The following SAMD3 variants were observed in gnomAD, a reference collection of about 807,000 sequenced individuals.
The protein encoded by SAMD3 is sterile alpha motif domain-containing protein 3.
Under a neutral mutation model 58.5 loss-of-function variants are expected in SAMD3, and 63 were observed. The ratio of observed to expected loss-of-function variants is 1.08; its 90% CI spans 0.88 to 1.33. The LOEUF (loss-of-function observed/expected upper bound fraction) is 1.33. Ranked by LOEUF, SAMD3 falls within the 40% of genes most tolerant of loss-of-function variation. The probability of loss-of-function intolerance (pLI) is 0.00; values close to 1 mark genes in which losing one functional copy is unlikely to be tolerated. For synonymous variants in SAMD3, 220 were observed against 210.3 expected (o/e 1.05, Z -0.40); for missense variants, 604 against 608.4 (o/e 0.99, Z 0.08).
chr6:130,282,187 A>G (rs1266783343), intron 2 of SAMD3, among the ~76,000 whole-genome samples: 1 of 152,076 alleles, frequency 6.6e-6, no homozygotes, highest in Admixed American at 6.6e-5. Flanking sequence ...GGGTAGAGAG[A>G]GAAAGAGAGA....
intron 7 of SAMD3, among the ~76,000 whole-genome samples, chr6:130,180,341 C>T (rs559245863): frequency 4.2e-4 from 55 of 129,412 alleles, no homozygotes; most frequent in African/African-American, 1.6e-3. Flanking sequence ...TACCATGTTG[C>T]CCAGGCTGGT....
At chr6:130,147,038 AG>A (rs1562363255) in intron 9 of SAMD3, among the ~76,000 whole-genome samples, 2 of 152,108 alleles carry the variant, frequency 1.3e-5, no homozygotes, top group African/African-American at 4.8e-5. Flanking sequence ...AAGCAAAACC[AG>A]TTTACTTTAT....
intron 5 of SAMD3, among the ~76,000 whole-genome samples, chr6:130,190,173 C>G (rs564571885): frequency 6.6e-6 from 1 of 152,318 alleles, no homozygotes; most frequent in African/African-American, 2.4e-5. Flanking sequence ...TTAACTGACA[C>G]CAGGAGACTG....
At position 130,201,472 on chromosome 6, in the gene SAMD3, T is replaced by A. The variant is rs543147335; in HGVS notation, c.383+8023A>T. Among the ~76,000 whole-genome samples, 3 of 152,176 alleles carry A rather than the reference T, an allele frequency of 2.0e-5. No homozygotes were observed. In the East Asian group the frequency reaches 5.8e-4, roughly 29 times the overall value. ...CCCACCCTAACCTACTAAATCAGAG[T>A]CTGTGTTTTAACAAGATTCCTCAGT... On this transcript the variant is annotated intron_variant, in intron 5 of 11. Transcript: ENST00000439090.
At chr6:130,149,577 T>C (rs1788949816) in intron 9 of SAMD3, among the ~76,000 whole-genome samples, 1 of 152,206 alleles carries the variant, frequency 6.6e-6, no homozygotes. Context: ...TAGGTGTAGC[T>C]GGAGGCCATT....
rs181268057 is a variant in SAMD3 at position 130,166,813 on chromosome 6, G to A, written c.822+9028C>T. Among the ~76,000 whole-genome samples the A allele has an allele frequency of 5.3e-5, 8 of 152,334 alleles. No individual in the cohort carries two copies. In the East Asian group the frequency reaches 1.5e-3, roughly 29 times the overall value. On this transcript the variant is annotated intron_variant, in intron 8 of 11. Transcript: ENST00000439090. ...GTAATCCATGGAAATGTAAATCACA[G>A]CAAGAATGAAATTATGCTTTATACC...
chr6:130,295,903 T>C (rs1775553246), intron 2 of SAMD3, among the ~76,000 whole-genome samples: 1 of 152,200 alleles, frequency 6.6e-6, no homozygotes, highest in African/African-American at 2.4e-5. Flanking sequence ...TTCCCAAACA[T>C]AGACACATCA....
At chr6:130,302,988 AACT>A (rs1337156499) in intron 2 of SAMD3, among the ~76,000 whole-genome samples, 1 of 152,186 alleles carries the variant, frequency 6.6e-6, no homozygotes, top group African/African-American at 2.4e-5. Flanking sequence ...GTGGCGAGTT[AACT>A]ACAAGCCCAA....
chr6:130,292,784 A>G (rs1775422183), intron 2 of SAMD3, among the ~76,000 whole-genome samples: 11 of 151,588 alleles, frequency 7.3e-5, no homozygotes, highest in Admixed American at 7.2e-4. Context: ...ACGCCCGGCT[A>G]ATTTTTTGTA....
intron 9 of SAMD3, among the ~76,000 whole-genome samples, chr6:130,151,004 A>T (rs577502179): frequency 2.6e-5 from 4 of 151,888 alleles, no homozygotes; most frequent in Non-Finnish European, 5.9e-5. Context: ...GAGCCACCAC[A>T]CCTAGCCTGA....
chr6:130,294,186 A>G (rs1775478570), intron 2 of SAMD3, among the ~76,000 whole-genome samples: 1 of 152,218 alleles, frequency 6.6e-6, no homozygotes, highest in Non-Finnish European at 1.5e-5. Flanking sequence ...TGCTTACTTA[A>G]CAGGATAACT....
At chr6:130,167,127 A>C (rs1270965772) in intron 8 of SAMD3, among the ~76,000 whole-genome samples, 2 of 152,112 alleles carry the variant, frequency 1.3e-5, no homozygotes. Flanking sequence ...AAATCAATGG[A>C]CTTGAAATAT....
At chr6:130,345,262 G>A (rs908322400) in intron 1 of SAMD3, among the ~76,000 whole-genome samples, 5 of 152,162 alleles carry the variant, frequency 3.3e-5, no homozygotes, top group East Asian at 3.9e-4. Flanking sequence ...CTCCCCTGAA[G>A]AGGGAAGGAT....
Position 130,153,662 on chromosome 6 carries a change from A to ATATATATATT in SAMD3, c.1023+1162_1023+1163insAATATATATA, listed in dbSNP as rs1423735345. On this transcript the variant is annotated intron_variant, in intron 9 of 11. Transcript: ENST00000439090. ...CATTAAATTTCATATATATATATAT[A>ATATATATATT]TATTTATTTATTTATTTATTTTTTA... Among the ~76,000 whole-genome samples the ATATATATATT allele has an allele frequency of 3.8e-3, 498 of 131,258 alleles. 6 individuals carry two copies. Among genetic ancestry groups the ATATATATATT allele is most frequent in the African/African-American group, 0.013 (476 of 36,266 alleles). The allele number at this position is 131,258 out of a possible 152,430, so 86.1% of individuals were successfully genotyped here.
At chr6:130,324,801 T>G (rs12665407) in intron 1 of SAMD3, among the ~76,000 whole-genome samples, 1 of 152,004 alleles carries the variant, frequency 6.6e-6, no homozygotes, top group East Asian at 1.9e-4. Flanking sequence ...AGAAAAATGT[T>G]AACTCATTCA....
At position 130,269,642 on chromosome 6, in the gene SAMD3, T is replaced by C. The variant is rs563272653; in HGVS notation, c.-188+43336A>G. Among the ~76,000 whole-genome samples the C allele has an allele frequency of 5.9e-5, 9 of 152,258 alleles. 1 individual carries two copies. The highest frequency in any genetic ancestry group is 2.2e-4 in the African/African-American group (9 of 41,570). Reference sequence around the variant, plus strand: ...AGTCTTCCTAGAGGTTTATCAATTTTATTGATTTTTTTTCAAAGAAACAGC... The same window carrying C: ...AGTCTTCCTAGAGGTTTATCAATTTCATTGATTTTTTTTCAAAGAAACAGC... On this transcript the variant is annotated intron_variant, in intron 2 of 13. Coordinates refer to the SAMD3 transcript ENST00000368134.
intron 1 of SAMD3, among the ~76,000 whole-genome samples, chr6:130,343,220 C>T (rs1777325148): frequency 6.6e-6 from 1 of 151,836 alleles, no homozygotes; most frequent in Non-Finnish European, 1.5e-5. Flanking sequence ...CGGACATTCT[C>T]CCTGAGGTCC....
At chr6:130,310,904 G>A (rs549517329) in intron 2 of SAMD3, among the ~76,000 whole-genome samples, 3 of 152,250 alleles carry the variant, frequency 2.0e-5, no homozygotes, top group South Asian at 2.1e-4. Context: ...AGTAGGTTTC[G>A]ATTTTTCAAT....
At chr6:130,166,568 G>C (rs1047573925) in intron 8 of SAMD3, among the ~76,000 whole-genome samples, 2 of 152,172 alleles carry the variant, frequency 1.3e-5, no homozygotes, top group Non-Finnish European at 2.9e-5. Flanking sequence ...ATGAACTGCA[G>C]ATGACTTAAA....
Sources: allele counts gnomAD v4.1 joint callset (sites outside exome capture counted in the v4.1 genomes callset), GRCh38; gene constraint gnomAD v4.1.1; transcripts MANE v1.5; gene names NCBI Gene and HGNC (gene_info 2026-07-23, HGNC 2026-07-21).